Variants in SYNE1 observed in about 807,000 individuals in gnomAD.
The protein encoded by SYNE1 is nesprin-1.
A neutral mutation model predicts 1,111.0 loss-of-function variants in SYNE1; 616 were observed. The ratio of observed to expected loss-of-function variants is 0.55; its 90% confidence interval spans 0.52 to 0.59. The LOEUF is 0.59. Among genes scored for constraint, SYNE1 ranks in the 20% least tolerant of loss-of-function variants. The pLI, the probability that SYNE1 is intolerant of heterozygous loss-of-function variation, is 0.00. For missense variants in SYNE1, 10,006 were observed against 10,417.0 expected (o/e 0.96, Z 1.72); for synonymous variants, 3,855 against 3,825.8 (o/e 1.01, Z -0.28).
chr6:152,301,002 A>G (rs1301166729), intron 92 of SYNE1, among the ~76,000 whole-genome samples: 1 of 152,240 alleles, frequency 6.6e-6, no homozygotes, highest in African/African-American at 2.4e-5. Flanking sequence ...ATGGGGGTGC[A>G]TATGACATTG....
chr6:152,321,931 A>G (rs761840546), intron 82 of SYNE1, 45 bp from the exon 83 acceptor site: 4 of 1,608,272 alleles, frequency 2.5e-6, no homozygotes, highest in African/African-American at 1.3e-5. Context: ...AGTGAAAGGA[A>G]CCCCCTAATA....
chr6:152,497,718 G>A (rs1242142139), intron 11 of SYNE1, among the ~76,000 whole-genome samples: 2 of 152,200 alleles, frequency 1.3e-5, no homozygotes, highest in African/African-American at 4.8e-5. Context: ...GCAATAAGGT[G>A]AGAAGGATGT....
intron 11 of SYNE1, 74 bp downstream of exon 11, chr6:152,498,668 A>C (rs2099012381): frequency 1.9e-6 from 2 of 1,046,306 alleles, no homozygotes; most frequent in Admixed American, 4.4e-5. Context: ...AAAACATGCA[A>C]GGGAATGACT....
intron 39 of SYNE1, among the ~76,000 whole-genome samples, chr6:152,421,793 C>T (rs751745960): frequency 4.0e-5 from 6 of 151,874 alleles, no homozygotes; most frequent in Non-Finnish European, 7.4e-5. Context: ...GCAATCTCTG[C>T]CTCCCAGATT....
chr6:152,436,068 G>T lies in SYNE1; in HGVS notation c.4183C>A (p.Gln1395Lys), dbSNP rs2098471423. Residue 1395 changes from glutamine (Q) to lysine (K), a missense_variant, in exon 33 of 146, where the codon CAG becomes AAG. Physicochemically the swap from Gln to Lys is moderately conservative, Grantham distance 53. Around this residue, in one of 7 missense-constraint regions of SYNE1, gnomAD observed 1,971 missense variants for 2,084.1 expected, o/e 0.95. Transcript: ENST00000367255. Reference protein sequence around the residue: ...FSKRTESIAVQAENLVKEASE... With the variant: ...FSKRTESIAVKAENLVKEASE... ...GCTTCCTTTACAAGGTTCTCAGCCT[G>T]GACTGCAATACTTTCTGTCCGTTTA... The T allele has an allele frequency of 6.2e-7, 1 of 1,613,948 alleles. No individual in the cohort carries two copies. Among genetic ancestry groups the T allele is most frequent in the East Asian group, 2.2e-5 (1 of 44,858 alleles).
chr6:152,388,237 A>G (rs2154128980), intron 53 of SYNE1, among the ~76,000 whole-genome samples: 1 of 151,758 alleles, frequency 6.6e-6, no homozygotes, highest in African/African-American at 2.4e-5. Flanking sequence ...ATAATTTTCT[A>G]AAAAGCACCC....
intron 123 of SYNE1, among the ~76,000 whole-genome samples, 154 bp downstream of exon 123, chr6:152,213,458 C>G (rs1405230343): frequency 1.3e-5 from 2 of 152,154 alleles, no homozygotes; most frequent in Non-Finnish European, 2.9e-5. Context: ...ATTAAGTTAT[C>G]AAAACCTCAA....
At chr6:152,561,044 T>C (rs1213526890) in intron 3 of SYNE1, among the ~76,000 whole-genome samples, 2 of 152,134 alleles carry the variant, frequency 1.3e-5, no homozygotes, top group African/African-American at 4.8e-5. Context: ...CTATGTTCTA[T>C]TCAACATAAC....
At chr6:152,478,563 CAA>C (rs1205143122) in intron 14 of SYNE1, 3 of 152,246 alleles carry the variant, frequency 2.0e-5, no homozygotes, top group Non-Finnish European at 2.9e-5. Flanking sequence ...GGCACAGATG[CAA>C]TTGCGTAGGT....
At chr6:152,552,840 T>C (rs1429619494) in intron 3 of SYNE1, among the ~76,000 whole-genome samples, 1 of 152,124 alleles carries the variant, frequency 6.6e-6, no homozygotes, top group Non-Finnish European at 1.5e-5. Context: ...ACCCTCCTCA[T>C]AATAGAAGAT....
At chr6:152,588,802 G>A (rs1232061633) in intron 3 of SYNE1, among the ~76,000 whole-genome samples, 3 of 152,112 alleles carry the variant, frequency 2.0e-5, no homozygotes, top group Admixed American at 6.5e-5. Context: ...AGGCTGGTAG[G>A]GACACCCTGC....
intron 131 of SYNE1, among the ~76,000 whole-genome samples, chr6:152,157,192 C>T (rs751567080): frequency 6.6e-5 from 10 of 151,772 alleles, no homozygotes; most frequent in Non-Finnish European, 1.2e-4. Flanking sequence ...TATCAATGGA[C>T]GAACAAATAA....
At position 152,359,533 on chromosome 6, in the gene SYNE1, T is replaced by G. The variant is rs1347595288; in HGVS notation, c.10300-75A>C. 7 of 1,587,710 alleles carry G rather than the reference T, an allele frequency of 4.4e-6. No homozygotes were observed. In the East Asian group the frequency reaches 1.6e-4, roughly 36 times the overall value. The stretch of plus-strand genomic sequence containing the variant: ...CAACGACACTGCTAAAATCAAGATA[T>G]TTTAATTGTACAGTTGACAAGTGAC... On this transcript the variant is annotated intron_variant, in intron 64 of 145. Coordinates refer to ENST00000367255, the MANE Select transcript of SYNE1 (RefSeq NM_182961.4).
rs546056484 is a variant in SYNE1 at position 152,328,897 on chromosome 6, A to G, written c.14955+833T>C. ...GGAGAAGGACAGCACTCATCCCCAC[A>G]GAGGGGGTGAAGAGATGGGGCAACT... On this transcript the variant is annotated intron_variant, in intron 78 of 145. Coordinates refer to ENST00000367255, the MANE Select transcript of SYNE1 (RefSeq NM_182961.4). Among the ~76,000 whole-genome samples, 14 of 152,290 alleles carry G rather than the reference A, an allele frequency of 9.2e-5. No individual in the cohort carries two copies. The East Asian group carries it at 2.7e-3, about 29-fold the overall frequency.
chr6:152,414,392 G>C (rs1461397301), intron 41 of SYNE1, among the ~76,000 whole-genome samples: 2 of 151,856 alleles, frequency 1.3e-5, no homozygotes, highest in African/African-American at 4.8e-5. Context: ...CTGGGTGACA[G>C]AGCACAACCC....
Position 152,133,256 on chromosome 6 carries a change from G to T in SYNE1, c.26001+20C>A. The T allele has an allele frequency of 6.2e-7, 1 of 1,606,408 alleles. No homozygotes were observed. Among genetic ancestry groups the T allele is most frequent in the Non-Finnish European group, 8.5e-7 (1 of 1,173,082 alleles). ...TCTCCAGTAAGAAATGCTACACGAT[G>T]ATGTCTGTTTATTGCTTACCTGCTG... is the stretch of plus-strand genomic sequence containing the variant. On this transcript the variant is annotated intron_variant, in intron 143 of 145. Coordinates refer to ENST00000367255, the MANE Select transcript of SYNE1 (RefSeq NM_182961.4).
chr6:152,224,293 C>T (rs1308204877), intron 117 of SYNE1, among the ~76,000 whole-genome samples: 1 of 152,038 alleles, frequency 6.6e-6, no homozygotes, highest in Non-Finnish European at 1.5e-5. Flanking sequence ...TAGTTATATA[C>T]CAGCTAATCC....
chr6:152,282,327 G>A (rs1159984997), intron 96 of SYNE1, among the ~76,000 whole-genome samples: 2 of 152,232 alleles, frequency 1.3e-5, no homozygotes, highest in African/African-American at 4.8e-5. Context: ...GTAAATGGCA[G>A]TAGACACCGG....
At chr6:152,352,646 C>T (rs567877260) in intron 69 of SYNE1, among the ~76,000 whole-genome samples, 15 of 152,278 alleles carry the variant, frequency 9.9e-5, no homozygotes, top group African/African-American at 3.1e-4. Flanking sequence ...TCAAGCAATC[C>T]ACCCACCTCA....
Sources: allele counts gnomAD v4.1 joint callset (sites outside exome capture counted in the v4.1 genomes callset), GRCh38; gene constraint gnomAD v4.1.1; regional missense constraint gnomAD v4.1.1; transcripts MANE v1.5; gene names NCBI Gene and HGNC (gene_info 2026-07-23, HGNC 2026-07-21).